The following BTG4 variants were observed in gnomAD, a reference collection of about 807,000 sequenced individuals.
BTG4 encodes BTG anti-proliferation factor 4.
A neutral mutation model predicts 19.3 loss-of-function variants in BTG4; 10 were observed. The ratio of observed to expected loss-of-function variants is 0.52; its 90% confidence interval spans 0.32 to 0.88. The LOEUF is 0.88. Ranked by LOEUF, BTG4 falls within the 40% of genes least tolerant of loss-of-function variation. The pLI is 0.04. For missense variants in BTG4, 238 were observed against 281.9 expected, an observed-to-expected ratio of 0.84 and a Z score of 1.11; for synonymous variants, 91 against 95.7, an observed-to-expected ratio of 0.95 and a Z score of 0.29.
intron 1 of BTG4, among the ~76,000 whole-genome samples, chr11:111,511,800 A>G (rs1866942752): frequency 6.6e-6 from 1 of 152,180 alleles, no homozygotes; most frequent in Non-Finnish European, 1.5e-5. Context: ...TCAAGGATCT[A>G]CTCAAGTCTC....
chr11:111,435,349 G>A, the BTG4 span, among the ~76,000 whole-genome samples: 5 of 152,080 alleles, frequency 3.3e-5, no homozygotes, highest in African/African-American at 1.2e-4. Flanking sequence ...GGGTAAGTGG[G>A]GACACCACCG....
chr11:111,502,150 T>C (rs1223481218), intron 1 of BTG4, among the ~76,000 whole-genome samples: 1 of 151,916 alleles, frequency 6.6e-6, no homozygotes, highest in Non-Finnish European at 1.5e-5. Context: ...TTTTTTTTTT[T>C]CAACAGAGAT....
the BTG4 span, among the ~76,000 whole-genome samples, chr11:111,423,070 G>T: frequency 1.9e-4 from 29 of 152,234 alleles, no homozygotes; most frequent in Non-Finnish European, 4.1e-4. Flanking sequence ...TGACCTGGCT[G>T]CTCCTCAGCA....
At chr11:111,433,397 A>T in the BTG4 span, among the ~76,000 whole-genome samples, 1 of 152,216 alleles carries the variant, frequency 6.6e-6, no homozygotes, top group African/African-American at 2.4e-5. Context: ...TTACAAAAAA[A>T]TTAACTCAAG....
the BTG4 span, among the ~76,000 whole-genome samples, chr11:111,398,369 A>G: frequency 1.3e-5 from 2 of 152,202 alleles, no homozygotes; most frequent in Admixed American, 1.3e-4. Flanking sequence ...GTTGTTTTCA[A>G]ACTTTGGCAT....
intron 1 of BTG4, among the ~76,000 whole-genome samples, chr11:111,508,214 C>T (rs532736607): frequency 1.4e-4 from 21 of 152,204 alleles, no homozygotes; most frequent in Admixed American, 2.0e-4. Flanking sequence ...TACATCACCT[C>T]GTACTGAAAT....
chr11:111,400,875 T>A, the BTG4 span: 1 of 152,036 alleles, frequency 6.6e-6, no homozygotes, highest in Admixed American at 6.6e-5. Context: ...AGCCCCAGAA[T>A]AACCATAAGA....
the BTG4 span, among the ~76,000 whole-genome samples, chr11:111,421,345 G>A: frequency 2.6e-5 from 4 of 152,204 alleles, no homozygotes; most frequent in Non-Finnish European, 4.4e-5. Context: ...GAGGAGACCT[G>A]GCTTTGTGTC....
At chr11:111,468,186 A>G (rs1863832444) in intron 5 of BTG4, among the ~76,000 whole-genome samples, 1 of 152,238 alleles carries the variant, frequency 6.6e-6, no homozygotes. Context: ...TAATAAAACC[A>G]GAAACTACTC....
upstream of BTG4, among the ~76,000 whole-genome samples, chr11:111,512,767 C>T (rs1364827344): frequency 1.3e-5 from 2 of 151,856 alleles, no homozygotes; most frequent in East Asian, 3.9e-4. Context: ...CCCAGCTACG[C>T]GTGTTGTGCG....
intron 5 of BTG4, among the ~76,000 whole-genome samples, chr11:111,468,972 A>C (rs149016137): frequency 1.3e-5 from 2 of 152,360 alleles, no homozygotes; most frequent in African/African-American, 4.8e-5. Context: ...TTTCTGTAAG[A>C]TGGAGGCAGT....
the BTG4 span, among the ~76,000 whole-genome samples, chr11:111,409,579 G>C: frequency 6.6e-6 from 1 of 152,106 alleles, no homozygotes; most frequent in Non-Finnish European, 1.5e-5. Context: ...CCAAGCAGAC[G>C]CCAGCACCAT....
the BTG4 span, among the ~76,000 whole-genome samples, chr11:111,407,966 G>C: frequency 1.3e-5 from 2 of 152,224 alleles, no homozygotes; most frequent in Admixed American, 1.3e-4. Flanking sequence ...GTCAGGGTTA[G>C]GATGGAGAGG....
At chr11:111,412,541 T>C in the BTG4 span, among the ~76,000 whole-genome samples, 1 of 152,334 alleles carries the variant, frequency 6.6e-6, no homozygotes, top group South Asian at 2.1e-4. Context: ...AGGCAGTTTA[T>C]AGAATAATAA....
chr11:111,455,368 G>A, the BTG4 span: 124 of 269,346 alleles, frequency 4.6e-4, no homozygotes, highest in African/African-American at 2.5e-3. Context: ...GAGCAGGCAG[G>A]GTTGTCTCTG....
At chr11:111,456,434 C>A in the BTG4 span, 3 of 438,280 alleles carry the variant, frequency 6.8e-6, no homozygotes, top group Admixed American at 7.2e-5. The surrounding 1 kb of genome is among the most constrained non-coding windows in gnomAD (Gnocchi z 4.2). Context: ...TTCCAGTCAC[C>A]AGCCAAGGGA....
chr11:111,469,337 T>C (rs1349785810), intron 5 of BTG4: 1 of 152,216 alleles, frequency 6.6e-6, no homozygotes, highest in Admixed American at 6.5e-5. Flanking sequence ...CTGGGGTCAT[T>C]TTACAAGGTA....
chr11:111,477,658 T>C (rs541782037), intron 5 of BTG4, among the ~76,000 whole-genome samples: 3 of 151,952 alleles, frequency 2.0e-5, no homozygotes, highest in Admixed American at 1.3e-4. Flanking sequence ...AGGGAAGATA[T>C]GGAGGTGAGT....
chr11:111,440,409 AGT>A, the BTG4 span, among the ~76,000 whole-genome samples: 3 of 152,250 alleles, frequency 2.0e-5, no homozygotes, highest in African/African-American at 7.2e-5. Flanking sequence ...CCCTGTAACT[AGT>A]TCAGAGACAG....
Sources: gnomAD v4.1 joint callset for allele counts (sites outside exome capture counted in the v4.1 genomes callset) on GRCh38, gnomAD v4.1.1 for gene constraint, Gnocchi (gnomAD v3.1) non-coding constraint, MANE v1.5 for transcripts, NCBI Gene and HGNC (gene_info 2026-07-23, HGNC 2026-07-21) for gene names.